The following CFI variants were observed in gnomAD, a reference collection of about 807,000 sequenced individuals.
CFI encodes the protein C3B/C4B inactivator.
CFI carries 66 observed loss-of-function variants against 78.8 expected under a neutral mutation model. The ratio of observed to expected loss-of-function variants is 0.84; its 90% CI spans 0.69 to 1.03. CFI has a LOEUF of 1.03. Among genes scored for constraint, CFI ranks in the 50% least tolerant of loss-of-function variants. The pLI is 0.00. For missense variants in CFI, 706 were observed against 704.5 expected, an observed-to-expected ratio of 1.00 and a Z score of -0.02; for synonymous variants, 250 against 232.6, an observed-to-expected ratio of 1.07 and a Z score of -0.68.
downstream of CFI, among the ~76,000 whole-genome samples, chr4:109,738,978 G>A (rs1723543840): frequency 6.6e-6 from 1 of 152,164 alleles, no homozygotes; most frequent in African/African-American, 2.4e-5. Context: ...TCAATTTGGG[G>A]AGATGAAAAT....
At chr4:109,777,817 G>T (rs1253557812) in intron 1 of CFI, among the ~76,000 whole-genome samples, 1 of 152,108 alleles carries the variant, frequency 6.6e-6, no homozygotes, top group Non-Finnish European at 1.5e-5. Context: ...TAGAACTCAG[G>T]ATTAAGAAAC....
chr4:109,756,769 G>T (rs538719204), intron 7 of CFI, among the ~76,000 whole-genome samples: 1 of 151,658 alleles, frequency 6.6e-6, no homozygotes, highest in African/African-American at 2.4e-5. Context: ...TTGAGGCAGA[G>T]AATTGCTTAA....
intron 1 of CFI, among the ~76,000 whole-genome samples, chr4:109,779,290 G>A (rs1729681438): frequency 6.6e-6 from 1 of 152,116 alleles, no homozygotes; most frequent in Non-Finnish European, 1.5e-5. Context: ...CAAAGTCTCA[G>A]GATACAAAAT....
intron 1 of CFI, among the ~76,000 whole-genome samples, chr4:109,785,335 A>G (rs963835899): frequency 1.3e-5 from 2 of 152,144 alleles, no homozygotes; most frequent in Non-Finnish European, 2.9e-5. Context: ...TAATGGCATT[A>G]TTCCATGAAA....
chr4:109,798,694 C>G (rs1732381721), intron 1 of CFI, among the ~76,000 whole-genome samples: 1 of 151,800 alleles, frequency 6.6e-6, no homozygotes. Context: ...CTCTTGAAAT[C>G]AGACTCTTCC....
At chr4:109,801,084 T>C (rs2125882008) in intron 1 of CFI, among the ~76,000 whole-genome samples, 1 of 152,340 alleles carries the variant, frequency 6.6e-6, no homozygotes, top group Non-Finnish European at 1.5e-5. Flanking sequence ...CCACCAAAGT[T>C]GGCAATCATC....
At chr4:109,734,101 T>C in the CFI span, among the ~76,000 whole-genome samples, 83 of 152,052 alleles carry the variant, frequency 5.5e-4, no homozygotes, top group Admixed American at 5.4e-3. Context: ...GAGTCCGGAA[T>C]GCAGAGGTTG....
At chr4:109,741,332 C>T in intron 12 of CFI, 1 of 985,450 alleles carries the variant, frequency 1.0e-6, no homozygotes, top group African/African-American at 1.7e-5. Context: ...TCAGCATGTT[C>T]TTCCTGTGTT....
At chr4:109,780,409 C>T (rs1212706915) in intron 1 of CFI, among the ~76,000 whole-genome samples, 1 of 152,180 alleles carries the variant, frequency 6.6e-6, no homozygotes, top group African/African-American at 2.4e-5. Context: ...CTCATCATCA[C>T]TGGCCATCAG....
At chr4:109,761,969 T>TA (rs1352848458) in intron 3 of CFI, 21 of 409,528 alleles carry the variant, frequency 5.1e-5, no homozygotes, top group Non-Finnish European at 9.6e-5. Flanking sequence ...GAGGGTGGAT[T>TA]ACCTGAGGTC....
At chr4:109,759,105 TA>T (rs1206844248) in intron 6 of CFI, among the ~76,000 whole-genome samples, 2 of 151,820 alleles carry the variant, frequency 1.3e-5, no homozygotes, top group African/African-American at 4.8e-5. Flanking sequence ...AAAAAGAAAA[TA>T]AAAAGAATTC....
In CFI at chr4:109,760,297, T is replaced by C; in HGVS notation, c.856A>G (p.Thr286Ala). Residue 286 changes from threonine to alanine, a missense_variant, in exon 6 of 13, where the codon ACA becomes GCA. Thr to Ala is a moderately conservative substitution (Grantham distance 58, BLOSUM62 0). Transcript: ENST00000394634. ...YQCNGEVDCI[T>A]GEDEVGCAGF... Reference sequence around the variant, plus strand: ...GCACAGCCAACTTCATCTTCCCCTGTAATGCAGTCCACCTCACCATTGCAT... The same window carrying C: ...GCACAGCCAACTTCATCTTCCCCTGCAATGCAGTCCACCTCACCATTGCAT... 1 of 1,613,940 alleles carries C rather than the reference T, an allele frequency of 6.2e-7. No homozygotes were observed. The highest frequency in any genetic ancestry group is 8.5e-7 in the Non-Finnish European group (1 of 1,179,806).
At chr4:109,762,080 A>G (rs1047280196) in intron 3 of CFI, 8 of 220,340 alleles carry the variant, frequency 3.6e-5, no homozygotes, top group Non-Finnish European at 7.2e-5. Context: ...AGTCTCAGCT[A>G]TTCGGGAGGC....
chr4:109,785,299 A>C (rs1330141046), intron 1 of CFI, among the ~76,000 whole-genome samples: 2 of 152,106 alleles, frequency 1.3e-5, no homozygotes, highest in African/African-American at 4.8e-5. Flanking sequence ...ATAAAGTGAA[A>C]AATTTTAAAA....
In CFI at chr4:109,749,221, A is replaced by G; in HGVS notation, c.1145T>C (p.Leu382Pro). The G allele has an allele frequency of 1.9e-6, 3 of 1,613,258 alleles. No individual in the cohort carries two copies. Among genetic ancestry groups the G allele is most frequent in the Non-Finnish European group, 2.5e-6 (3 of 1,179,164 alleles). Reference protein sequence around the residue: ...GCWILTAAHCLRASKTHRYQI... With the variant: ...GCWILTAAHCPRASKTHRYQI... ...ATTTACTGAAGACATCTTTTACCTG[A>G]GACAATGTGCAGCAGTCAGAATCCA... Residue 382 changes from leucine (L) to proline (P), a missense_variant, in exon 10 of 13, where the codon CTC (leucine) becomes CCC (proline). Leu to Pro is a moderately conservative substitution (Grantham distance 98). Transcript: ENST00000394634.
At chr4:109,750,120 C>T (rs1724968964) in intron 8 of CFI, among the ~76,000 whole-genome samples, 1 of 151,988 alleles carries the variant, frequency 6.6e-6, no homozygotes. Context: ...CCTCAGCCTC[C>T]CAAGTAGCTG....
intron 8 of CFI, among the ~76,000 whole-genome samples, chr4:109,751,914 A>G (rs1042357754): frequency 1.3e-5 from 2 of 152,318 alleles, no homozygotes; most frequent in Non-Finnish European, 2.9e-5. Flanking sequence ...TATAGCTAAT[A>G]CATAACTGAG....
chr4:109,793,043 TC>T (rs1220165137), intron 1 of CFI, among the ~76,000 whole-genome samples: 1 of 152,180 alleles, frequency 6.6e-6, no homozygotes, highest in Non-Finnish European at 1.5e-5. Flanking sequence ...TTTCTCATTT[TC>T]TCCATTACTG....
chr4:109,742,871 T>G (rs1221130266), intron 11 of CFI, among the ~76,000 whole-genome samples: 1 of 152,226 alleles, frequency 6.6e-6, no homozygotes, highest in African/African-American at 2.4e-5. Flanking sequence ...CTTTCCCTTT[T>G]GGTTGCAGAA....
Sources: allele counts gnomAD v4.1 joint callset (sites outside exome capture counted in the v4.1 genomes callset), GRCh38; gene constraint gnomAD v4.1.1; transcripts MANE v1.5; gene names NCBI Gene and HGNC (gene_info 2026-07-23, HGNC 2026-07-21).